Variants in ARHGAP4 observed in about 807,000 individuals in gnomAD.
ARHGAP4 encodes the protein rho GTPase-activating protein 4.
Under a neutral mutation model 67.6 loss-of-function variants are expected in ARHGAP4, and 25 were observed. The ratio of observed to expected loss-of-function variants is 0.37; its 90% CI spans 0.27 to 0.52. The LOEUF (loss-of-function observed/expected upper bound fraction) is 0.52. ARHGAP4 is among the 20% of genes least tolerant of loss of function. ARHGAP4 has a pLI of 0.92. For missense variants in ARHGAP4, 804 were observed against 854.6 expected (o/e 0.94, Z 0.74); for synonymous variants, 448 against 373.7 (o/e 1.20, Z -2.29).
At chrX:153,910,873 G>A (rs1557103076) in intron 14 of ARHGAP4, 39 bp from the exon 15 acceptor site, 3 of 1,180,319 alleles carry the variant, frequency 2.5e-6, no homozygotes, top group South Asian at 1.9e-5. Flanking sequence ...GGAGGAAGCT[G>A]GTGACATCTG....
intron 14 of ARHGAP4, 35 bp downstream of exon 14, chrX:153,910,887 G>A (rs782013683): frequency 2.3e-5 from 27 of 1,153,151 alleles, no homozygotes; most frequent in East Asian, 1.3e-4. Context: ...ACATCTGCCC[G>A]AGCCCCCACC....
chrX:153,910,889 G>GCCCCCCCCCC, intron 14 of ARHGAP4, 33 bp downstream of exon 14: 20 of 1,147,397 alleles, frequency 1.7e-5, no homozygotes, highest in Middle Eastern at 3.1e-4. Context: ...ATCTGCCCGA[G>GCCCCCCCCCC]CCCCCACCCC....
chrX:153,918,421 C>T (rs1489256936), intron 7 of ARHGAP4, among the ~76,000 whole-genome samples: 3 of 112,217 alleles, frequency 2.7e-5, no homozygotes, highest in Non-Finnish European at 5.6e-5. Flanking sequence ...CAAGTCGGCC[C>T]GAAAGGGGCC....
intron 7 of ARHGAP4, among the ~76,000 whole-genome samples, chrX:153,916,922 T>C (rs2065059440): frequency 9.5e-6 from 1 of 105,603 alleles, no homozygotes; most frequent in African/African-American, 3.5e-5. Context: ...TACTAAAAAA[T>C]AAAAATAAAA....
intron 10 of ARHGAP4, 27 bp downstream of exon 10, chrX:153,913,191 C>T (rs370815979): frequency 2.1e-5 from 24 of 1,163,137 alleles, no homozygotes; most frequent in South Asian, 1.3e-4. Context: ...AGGGGAGAGG[C>T]GGGGAAGGGG....
rs782003563 is a variant in ARHGAP4 at position 153,909,966 on chromosome X, A to T, written c.2231-42T>A. 7 of 1,207,144 alleles carry T rather than the reference A, an allele frequency of 5.8e-6. No individual in the cohort carries two copies. The East Asian group carries it at 2.1e-4, about 36-fold the overall frequency. On this transcript the variant is annotated intron_variant, in intron 18 of 21. Transcript: ENST00000350060. ...GTCCAAGCTGTGGGAGGGGGTGTGG[A>T]CACTAGGGTGGGGACAGGGTGGGGC... is the stretch of plus-strand genomic sequence containing the variant.
intron 14 of ARHGAP4, 33 bp downstream of exon 14, chrX:153,910,889 G>GCCCCC (rs1557103082): frequency 2.6e-6 from 3 of 1,147,444 alleles, no homozygotes; most frequent in Admixed American, 2.7e-5. Flanking sequence ...ATCTGCCCGA[G>GCCCCC]CCCCCACCCC....
Position 153,909,518 on chromosome X carries a change from A to T in ARHGAP4, c.2432T>A (p.Val811Glu). The T allele has an allele frequency of 8.3e-7, 1 of 1,208,196 alleles. No homozygotes were observed. The highest frequency in any genetic ancestry group is 1.1e-6 in the Non-Finnish European group (1 of 894,008). The change falls in exon 20 of 22, where the codon GTG (valine) becomes GAG (glutamate). Residue 811 changes from valine (V) to glutamate (E), a missense_variant. Around this residue, in one of 2 missense-constraint regions of ARHGAP4, gnomAD observed 400 missense variants for 348.7 expected, o/e 1.15. Transcript: ENST00000350060. ...TLPAGTEKQV[V>E]GAGLQTAGES... ...CCCTGCAGTCTGCAGCCCTGCGCCCACCACCTGCTTCTCCGTCCTGCGGTG... is the reference window on the plus strand; with the variant it reads ...CCCTGCAGTCTGCAGCCCTGCGCCCTCCACCTGCTTCTCCGTCCTGCGGTG...
intron 7 of ARHGAP4, among the ~76,000 whole-genome samples, chrX:153,916,951 C>T (rs1256363097): frequency 3.6e-5 from 4 of 111,764 alleles, no homozygotes; most frequent in Non-Finnish European, 7.5e-5. Flanking sequence ...CACGGTGGCC[C>T]ACACCTGTAA....
At chrX:153,908,768 C>T (rs1557101924) in intron 21 of ARHGAP4, among the ~76,000 whole-genome samples, 1 of 112,334 alleles carries the variant, frequency 8.9e-6, no homozygotes, top group African/African-American at 3.2e-5. Context: ...AGCCTTAACT[C>T]AGCCCTGCCA....
Position 153,921,760 on chromosome X carries a change from G to A in ARHGAP4, c.117C>T (p.Gly39=), listed in dbSNP as rs782535657. 5 of 1,201,066 alleles carry A rather than the reference G, an allele frequency of 4.2e-6. No homozygotes were observed. The highest frequency in any genetic ancestry group is 2.5e-4 in the Middle Eastern group (1 of 4,065). The part of the protein sequence containing the change: ...SEQLRCLELQ[G]ELRRELLQEL... ...CCTGCAGCAACTCCCGCCGCAGCTC[G>A]CCCTGCAGCTCCAGGCAGCGCAGCT... The change falls in exon 2 of 22, where the codon GGC becomes GGT. Residue 39 remains glycine (G), a synonymous_variant. Transcript: ENST00000350060.
chrX:153,908,975 G>A (rs1194534708), intron 21 of ARHGAP4, 95 bp downstream of exon 21: 36 of 946,582 alleles, frequency 3.8e-5, no homozygotes, highest in East Asian at 9.7e-5. Flanking sequence ...GGAGGGCAAC[G>A]ACTGGAACCT....
At chrX:153,916,911 C>T (rs2065059333) in intron 7 of ARHGAP4, among the ~76,000 whole-genome samples, 1 of 111,216 alleles carries the variant, frequency 9.0e-6, no homozygotes, top group African/African-American at 3.3e-5. Flanking sequence ...AACCCTGTCT[C>T]TACTAAAAAA....
rs2065004379 is a variant in ARHGAP4 at position 153,909,858 on chromosome X, C to T, written c.2297G>A (p.Ser766Asn). The change falls in exon 19 of 22, where the codon AGC becomes AAC. Residue 766 changes from serine to asparagine, a missense_variant. Ser to Asn is a conservative substitution (Grantham distance 46). This residue lies in a region of ARHGAP4 where 400 missense variants were observed against 348.7 expected (regional missense o/e 1.15). Coordinates refer to ENST00000350060, the MANE Select transcript of ARHGAP4 (RefSeq NM_001666.5). ...AYTGRTAQELSFRRGDVLRLH... is the reference protein window; with the variant it reads ...AYTGRTAQELNFRRGDVLRLH... Reference sequence around the variant, plus strand: ...CCGCAGTACGTCCCCCCGCCGGAAGCTCAGCTCCTGGGCTGTGCGGCCCGT... The same window carrying T: ...CCGCAGTACGTCCCCCCGCCGGAAGTTCAGCTCCTGGGCTGTGCGGCCCGT... The T allele has an allele frequency of 8.3e-7, 1 of 1,203,329 alleles. No individual in the cohort carries two copies. Among genetic ancestry groups the T allele is most frequent in the Non-Finnish European group, 1.1e-6 (1 of 892,292 alleles).
rs1557105327 is a variant in ARHGAP4 at position 153,921,543 on chromosome X, C to A, written c.273-16G>T. 8.3e-7 allele frequency: 1 copy of A among 1,198,505 alleles called. No individual in the cohort carries two copies. Among genetic ancestry groups the A allele is most frequent in the Non-Finnish European group, 1.1e-6 (1 of 888,090 alleles). Reference sequence around the variant, plus strand: ...CGGCTCCTTCCTGGGGGTAGAGGGGCACTGAGACCTGGGAGCGGAGCTTGG... The same window carrying A: ...CGGCTCCTTCCTGGGGGTAGAGGGGAACTGAGACCTGGGAGCGGAGCTTGG... On this transcript the variant is annotated splice_polypyrimidine_tract_variant and intron_variant, in intron 2 of 21. Transcript: ENST00000350060.
rs375315478 is a variant in ARHGAP4, at chrX:153,907,814, T to C, written c.2756A>G (p.Lys919Arg). The C allele has an allele frequency of 2.1e-4, 211 of 1,009,942 alleles. No individual in the cohort carries two copies. The highest frequency in any genetic ancestry group is 2.6e-4 in the Non-Finnish European group (203 of 788,543). 83.2% of individuals were successfully genotyped at this position (1,009,942 alleles called of 1,213,427 possible). A position where few individuals can be genotyped will look rare whatever the true frequency, so the allele number is the denominator to read the frequency against. The change falls in exon 22 of 22, where the codon AAA becomes AGA. Residue 919 changes from lysine (K) to arginine (R), a missense_variant. This residue lies in a region of ARHGAP4 where 400 missense variants were observed against 348.7 expected (regional missense o/e 1.15). Transcript: ENST00000350060. ...GGCCCCAGGGCCCCGGGAGAAGCCT[T>C]TGTTCCTGCCCAGGCGGCTGCTGGG... ...APPSSRLGRN[K>R]GFSRGPGAPA... is the part of the protein sequence containing the mutation.
intron 5 of ARHGAP4, chrX:153,919,772 T>C: frequency 2.2e-6 from 2 of 923,673 alleles, no homozygotes; most frequent in South Asian, 3.7e-5. Flanking sequence ...GTTCTAAAAC[T>C]GGCACTCTAT....
At chrX:153,909,965 G>GAC in intron 18 of ARHGAP4, 41 bp from the exon 19 acceptor site, 1 of 1,201,924 alleles carries the variant, frequency 8.3e-7, no homozygotes, top group Non-Finnish European at 1.1e-6. Context: ...AGGGGGTGTG[G>GAC]ACACTAGGGT....
At chrX:153,919,644 G>A in intron 5 of ARHGAP4, 1 of 1,166,900 alleles carries the variant, frequency 8.6e-7, no homozygotes, top group Non-Finnish European at 1.1e-6. Context: ...CAGCACACAG[G>A]TGCACAGCTG....
Sources: gnomAD v4.1 joint callset for allele counts (sites outside exome capture counted in the v4.1 genomes callset) on GRCh38, gnomAD v4.1.1 for gene constraint, gnomAD v4.1.1 regional missense constraint, MANE v1.5 for transcripts, NCBI Gene and HGNC (gene_info 2026-07-23, HGNC 2026-07-21) for gene names.